CMC1: variants seen among roughly 807,000 people sequenced by gnomAD.
The protein encoded by CMC1 is COX assembly mitochondrial protein homolog.
In CMC1, 14 loss-of-function variants were observed where a neutral mutation model predicts 14.1. The observed-to-expected ratio is 0.99, with a 90% CI of 0.66 to 1.55. The LOEUF is 1.55. Ranked by LOEUF, CMC1 falls within the 40% of genes most tolerant of loss-of-function variation. CMC1 has a pLI of 0.00. For missense variants in CMC1, 127 were observed against 123.8 expected (o/e 1.03, Z -0.12); for synonymous variants, 50 against 38.4 (o/e 1.30, Z -1.12).
At chr3:28,277,407 C>T (rs1700637021) in intron 2 of CMC1, among the ~76,000 whole-genome samples, 1 of 152,226 alleles carries the variant, frequency 6.6e-6, no homozygotes. Flanking sequence ...GGAATGTACT[C>T]ATTTAAAATA....
At chr3:28,291,820 TTTG>T (rs1227284421) in intron 2 of CMC1, 1 of 152,178 alleles carries the variant, frequency 6.6e-6, no homozygotes, top group Non-Finnish European at 1.5e-5. Context: ...ATGCAGTGTT[TTTG>T]TTAAGTAGCC....
chr3:28,274,223 T>TTTTTTG (rs1218887007), intron 2 of CMC1, among the ~76,000 whole-genome samples: 2 of 143,574 alleles, frequency 1.4e-5, no homozygotes, highest in African/African-American at 5.1e-5. Flanking sequence ...TTTTTTTCTT[T>TTTTTTG]TTTTTTTTTT....
At chr3:28,280,401 TATCTA>T (rs1418908245) in intron 2 of CMC1, among the ~76,000 whole-genome samples, 1 of 152,198 alleles carries the variant, frequency 6.6e-6, no homozygotes, top group Non-Finnish European at 1.5e-5. Flanking sequence ...AGATCAGTGT[TATCTA>T]ATTAGAAAAA....
At chr3:28,309,943 A>C (rs1424203976) in intron 2 of CMC1, among the ~76,000 whole-genome samples, 2 of 10,776 alleles carry the variant, frequency 1.9e-4, no homozygotes, top group Admixed American at 1.9e-3. Flanking sequence ...GACGTCCACC[A>C]CACACACACA....
At chr3:28,243,505 C>G (rs1308002266) in intron 1 of CMC1, among the ~76,000 whole-genome samples, 2 of 152,232 alleles carry the variant, frequency 1.3e-5, no homozygotes, top group African/African-American at 2.4e-5. Context: ...CATACTTGCT[C>G]TCTTCACTTG....
chr3:28,303,461 GA>G (rs1286248163), intron 2 of CMC1, among the ~76,000 whole-genome samples: 1 of 152,014 alleles, frequency 6.6e-6, no homozygotes, highest in Non-Finnish European at 1.5e-5. Flanking sequence ...GTATCCTCCT[GA>G]AACTTTTTAA....
chr3:28,286,030 G>A (rs1701161164), intron 2 of CMC1, among the ~76,000 whole-genome samples: 1 of 152,080 alleles, frequency 6.6e-6, no homozygotes, highest in Non-Finnish European at 1.5e-5. Flanking sequence ...CTCCCAAAGT[G>A]CTGGGATTAC....
chr3:28,278,657 A>G (rs1445978282), intron 2 of CMC1, among the ~76,000 whole-genome samples: 2 of 152,234 alleles, frequency 1.3e-5, no homozygotes, highest in South Asian at 2.1e-4. Flanking sequence ...CAGTACTACT[A>G]TGTGCAATAC....
At chr3:28,291,855 C>T (rs1701485302) in intron 2 of CMC1, 1 of 152,114 alleles carries the variant, frequency 6.6e-6, no homozygotes, top group Non-Finnish European at 1.5e-5. Flanking sequence ...TTCCTCTTTT[C>T]TGTGGGGTTA....
intron 1 of CMC1, among the ~76,000 whole-genome samples, chr3:28,261,667 T>A (rs1699742081): frequency 6.6e-6 from 1 of 152,100 alleles, no homozygotes; most frequent in Non-Finnish European, 1.5e-5. Flanking sequence ...CATAGTTTAT[T>A]GTTTATTGTT....
rs139621171 is a variant in CMC1 at position 28,284,728 on chromosome 3, T to TTGTGTGTG, written c.109+21349_109+21350insGTGTGTGT. Reference sequence around the variant, plus strand: ...TTTTTGGCTGTTTTTGTTGTTAGATTTCTGTGTGTGTGTGTGTGTGTGTGT... The same window carrying TTGTGTGTG: ...TTTTTGGCTGTTTTTGTTGTTAGATTTGTGTGTGTCTGTGTGTGTGTGTGTGTGTGTGT... On this transcript the variant is annotated intron_variant, in intron 2 of 3. Transcript: ENST00000466830. 6.3e-3 allele frequency among the ~76,000 whole-genome samples: 955 copies of TTGTGTGTG among 150,812 alleles called. 9 individuals carry two copies. Among genetic ancestry groups the TTGTGTGTG allele is most frequent in the Middle Eastern group, 0.027 (8 of 292 alleles).
At chr3:28,310,691 GTTT>G (rs1202555200) in intron 2 of CMC1, among the ~76,000 whole-genome samples, 1 of 152,218 alleles carries the variant, frequency 6.6e-6, no homozygotes, top group Non-Finnish European at 1.5e-5. Context: ...AAATGGAAAT[GTTT>G]TTAAAGATGT....
chr3:28,324,020 G>A lies in CMC1; in HGVS notation c.*4391G>A. The A allele has an allele frequency of 6.3e-7, 1 of 1,578,878 alleles. No individual in the cohort carries two copies. The highest frequency in any genetic ancestry group is 8.6e-7 in the Non-Finnish European group (1 of 1,156,524). ...TGAAAGAGATAAGTGTCCTCATGGT[G>A]AAATCGTGAATCTCTTCCAAATTAA... On this transcript the variant is annotated 3_prime_UTR_variant, in exon 4 of 4. Transcript: ENST00000466830.
intron 2 of CMC1, among the ~76,000 whole-genome samples, chr3:28,308,212 C>T (rs1180453382): frequency 6.6e-6 from 1 of 151,676 alleles, no homozygotes; most frequent in East Asian, 1.9e-4. Context: ...ATTATGCTAC[C>T]TAACATAGGC....
At chr3:28,275,035 C>A (rs1700503842) in intron 2 of CMC1, among the ~76,000 whole-genome samples, 1 of 152,144 alleles carries the variant, frequency 6.6e-6, no homozygotes, top group Non-Finnish European at 1.5e-5. Flanking sequence ...TGGGTTAGAA[C>A]ATGCTCCGTT....
intron 2 of CMC1, among the ~76,000 whole-genome samples, chr3:28,300,554 C>G (rs1168205248): frequency 6.6e-6 from 1 of 151,730 alleles, no homozygotes; most frequent in African/African-American, 2.4e-5. Flanking sequence ...TATATAGACC[C>G]CACTCTCCCC....
intron 2 of CMC1, among the ~76,000 whole-genome samples, chr3:28,266,338 C>G (rs1700004519): frequency 6.6e-6 from 1 of 151,960 alleles, no homozygotes; most frequent in Non-Finnish European, 1.5e-5. Flanking sequence ...GTATAAGTTC[C>G]AGTAACTATG....
At chr3:28,246,104 A>G (rs1333825586) in intron 1 of CMC1, among the ~76,000 whole-genome samples, 2 of 151,980 alleles carry the variant, frequency 1.3e-5, no homozygotes, top group Non-Finnish European at 1.5e-5. Flanking sequence ...TGCCTGGCCT[A>G]TAAGAAAAAT....
At position 28,308,019 on chromosome 3, in the gene CMC1, C is replaced by A. The variant is rs1234037728; in HGVS notation, c.110-8314C>A. ...ATCATCTCATCTCTTTTCTCCTGTT[C>A]TCTTCCGCATCTGTCTTTCACTTTT... On this transcript the variant is annotated intron_variant, in intron 2 of 3. Coordinates refer to ENST00000466830, the MANE Select transcript of CMC1 (RefSeq NM_182523.2). Among the ~76,000 whole-genome samples, 5 of 152,180 alleles carry A rather than the reference C, an allele frequency of 3.3e-5. No individual in the cohort carries two copies. In the South Asian group the frequency reaches 1.0e-3, roughly 31 times the overall value.
Sources: allele counts gnomAD v4.1 joint callset (sites outside exome capture counted in the v4.1 genomes callset), GRCh38; gene constraint gnomAD v4.1.1; transcripts MANE v1.5; gene names NCBI Gene and HGNC (gene_info 2026-07-23, HGNC 2026-07-21).